The following IL6ST variants were observed in gnomAD, a reference collection of about 807,000 sequenced individuals.
IL6ST encodes the protein interleukin-6 receptor subunit beta.
A neutral mutation model predicts 91.3 loss-of-function variants in IL6ST; 24 were observed. The observed-to-expected ratio is 0.26, with a 90% CI of 0.19 to 0.37. The LOEUF is 0.37. Ranked by LOEUF, IL6ST falls within the 10% of genes least tolerant of loss-of-function variation. The probability of loss-of-function intolerance (pLI) is 1.00; values close to 1 mark genes in which losing one functional copy is unlikely to be tolerated. For missense variants in IL6ST, 914 were observed against 1,078.5 expected, an observed-to-expected ratio of 0.85 and a Z score of 2.14; for synonymous variants, 351 against 373.6, an observed-to-expected ratio of 0.94 and a Z score of 0.70.
At chr5:55,959,795 A>G in intron 8 of IL6ST, 1 of 359,724 alleles carries the variant, frequency 2.8e-6, no homozygotes, top group Admixed American at 3.6e-5. Context: ...AGTTAGGAGT[A>G]TCTCTGGACA....
At chr5:55,979,417 T>C (rs543757564) in intron 2 of IL6ST, among the ~76,000 whole-genome samples, 10 of 152,172 alleles carry the variant, frequency 6.6e-5, no homozygotes, top group Non-Finnish European at 1.5e-4. Flanking sequence ...ATCTGGACAG[T>C]GATAAATTCA....
chr5:55,941,705 C>G lies in IL6ST; in HGVS notation c.2134G>C (p.Asp712His). 6.2e-7 allele frequency: 1 copy of G among 1,614,028 alleles called. No individual in the cohort carries two copies. The highest frequency in any genetic ancestry group is 1.7e-4 in the Middle Eastern group (1 of 5,952). The change falls in exon 17 of 17, where the codon GAC becomes CAC. Residue 712 changes from aspartate to histidine, a missense_variant. Physicochemically the swap from Asp to His is moderately conservative, Grantham distance 81. Coordinates refer to ENST00000381298, the MANE Select transcript of IL6ST (RefSeq NM_002184.4). ...KPFPEDLKSL[D>H]LFKKEKINTE... ...TTAATTTTTTCCTTTTTGAACAGGT[C>G]CAATGATTTCAGATCTTCTGGAAAA... is the stretch of plus-strand genomic sequence containing the variant.
intron 1 of IL6ST, among the ~76,000 whole-genome samples, chr5:55,988,931 C>G (rs557407394): frequency 1.3e-5 from 2 of 149,730 alleles, no homozygotes; most frequent in African/African-American, 4.9e-5. Context: ...AGCAACATGG[C>G]AAAACCCCAT....
chr5:55,969,596 G>A lies in IL6ST; in HGVS notation c.324C>T (p.Phe108=), dbSNP rs754246366. ...NIQLTCNILT[F]GQLEQNVYGI... is the part of the protein sequence containing the mutation. ...CATAAACATTCTGTTCAAGCTGTCC[G>A]AATGTAAGAATGTTGCAAGTGAGCT... The change falls in exon 4 of 17, where the codon TTC becomes TTT. Residue 108 remains phenylalanine, a synonymous_variant. Coordinates refer to ENST00000381298, the MANE Select transcript of IL6ST (RefSeq NM_002184.4). 15 of 1,613,046 alleles carry A rather than the reference G, an allele frequency of 9.3e-6. No homozygotes were observed. The highest frequency in any genetic ancestry group is 1.7e-4 in the Middle Eastern group (1 of 6,054).
rs532198288 is a variant in IL6ST at position 55,939,197 on chromosome 5, G to T, written c.*1885C>A. 1.4e-5 allele frequency: 3 copies of T among 214,158 alleles called. No homozygotes were observed. The highest frequency in any genetic ancestry group is 2.8e-5 in the Non-Finnish European group (3 of 106,054). The allele number at this position is 214,158 out of a possible 1,614,324, so 13.3% of individuals were successfully genotyped here. A position where few individuals can be genotyped will look rare whatever the true frequency, so the allele number is the denominator to read the frequency against. Reference sequence around the variant, plus strand: ...CCAGCCTTTGATGATCAACTTAAAAGCTGGAGATGTCATTATCTTGTTGTG... The same window carrying T: ...CCAGCCTTTGATGATCAACTTAAAATCTGGAGATGTCATTATCTTGTTGTG... On this transcript the variant is annotated 3_prime_UTR_variant, in exon 17 of 17. Coordinates refer to ENST00000381298, the MANE Select transcript of IL6ST (RefSeq NM_002184.4).
At chr5:55,966,432 T>G (rs1424277200) in intron 5 of IL6ST, among the ~76,000 whole-genome samples, 1 of 152,188 alleles carries the variant, frequency 6.6e-6, no homozygotes, top group Non-Finnish European at 1.5e-5. Flanking sequence ...TGATACTGAT[T>G]GAGTTACACA....
At position 55,978,918 on chromosome 5, in the gene IL6ST, A is replaced by G. The variant is rs575601228; in HGVS notation, c.-15-2625T>C. On this transcript the variant is annotated intron_variant, in intron 2 of 16. Coordinates refer to ENST00000381298, the MANE Select transcript of IL6ST (RefSeq NM_002184.4). ...AAAGAAACGAGTGCTTAATACCTCCAAAGACATCTACAAGAATGTTTACAG... is the reference window on the plus strand; with the variant it reads ...AAAGAAACGAGTGCTTAATACCTCCGAAGACATCTACAAGAATGTTTACAG... Among the ~76,000 whole-genome samples, 175 of 152,360 alleles carry G rather than the reference A, an allele frequency of 1.1e-3. 2 individuals are homozygous for G. The highest frequency in any genetic ancestry group is 4.1e-3 in the African/African-American group (172 of 41,584).
intron 8 of IL6ST, 45 bp from the exon 9 acceptor site, chr5:55,957,336 G>C (rs1752051495): frequency 9.9e-7 from 1 of 1,010,942 alleles, no homozygotes; most frequent in Non-Finnish European, 1.5e-6. Context: ...GGTTTTAACA[G>C]TAAAATAAAA....
chr5:55,955,971 A>C, intron 10 of IL6ST, 54 bp downstream of exon 10: 2 of 1,233,018 alleles, frequency 1.6e-6, no homozygotes, highest in South Asian at 2.4e-5. Flanking sequence ...CCCTGTCCAT[A>C]CCTAACCACC....
chr5:55,953,068 CA>C (rs1397901958), intron 11 of IL6ST, among the ~76,000 whole-genome samples: 1 of 151,950 alleles, frequency 6.6e-6, no homozygotes, highest in Non-Finnish European at 1.5e-5. Flanking sequence ...CTCAAAAAAA[CA>C]AAAACCAAAA....
intron 11 of IL6ST, among the ~76,000 whole-genome samples, chr5:55,953,574 C>T (rs541582664): frequency 1.2e-4 from 19 of 152,128 alleles, no homozygotes; most frequent in African/African-American, 3.9e-4. Flanking sequence ...TTAGTAGAGA[C>T]GGAGTTTATC....
intron 7 of IL6ST, among the ~76,000 whole-genome samples, chr5:55,961,440 T>C (rs1269894789): frequency 1.3e-5 from 2 of 152,044 alleles, no homozygotes; most frequent in Admixed American, 1.3e-4. Flanking sequence ...GAGAGGGCTG[T>C]CTTGACAGGT....
intron 12 of IL6ST, 75 bp from the exon 13 acceptor site, chr5:55,952,150 T>C (rs28763918): frequency 6.6e-7 from 1 of 1,509,170 alleles, no homozygotes; most frequent in African/African-American, 1.4e-5. Context: ...ATAAAATCAT[T>C]TGAACATAAT....
chr5:55,960,598 T>C, intron 7 of IL6ST, 37 bp from the exon 8 acceptor site: 1 of 1,583,308 alleles, frequency 6.3e-7, no homozygotes. Flanking sequence ...AAAACCTCAA[T>C]TAGTAAGGTC....
At chr5:55,960,953 CAG>C (rs1448513409) in intron 7 of IL6ST, among the ~76,000 whole-genome samples, 1 of 151,958 alleles carries the variant, frequency 6.6e-6, no homozygotes, top group Non-Finnish European at 1.5e-5. Context: ...ATTTTTGAGA[CAG>C]AGTCTCCCTC....
chr5:55,958,449 A>T (rs1445579941), intron 8 of IL6ST, among the ~76,000 whole-genome samples: 5 of 126,516 alleles, frequency 4.0e-5, no homozygotes, highest in Non-Finnish European at 9.4e-5. Flanking sequence ...AGTTTGTCTT[A>T]AAAAAATCAA....
chr5:55,965,655 T>C (rs369845043), intron 5 of IL6ST, among the ~76,000 whole-genome samples: 62 of 152,004 alleles, frequency 4.1e-4, no homozygotes, highest in African/African-American at 1.4e-3. Flanking sequence ...TGTAAAAGCA[T>C]GTTATATCAG....
chr5:55,985,765 G>T (rs1424610816), intron 1 of IL6ST, among the ~76,000 whole-genome samples: 1 of 152,112 alleles, frequency 6.6e-6, no homozygotes, highest in African/African-American at 2.4e-5. Context: ...CACAGGTGTG[G>T]GTCTATTTGG....
chr5:55,979,226 C>T (rs1394833058), intron 2 of IL6ST, among the ~76,000 whole-genome samples: 3 of 152,008 alleles, frequency 2.0e-5, no homozygotes, highest in Non-Finnish European at 4.4e-5. Context: ...GACCCTGACT[C>T]TACAAAAAAA....
Sources: gnomAD v4.1 joint callset for allele counts (sites outside exome capture counted in the v4.1 genomes callset) on GRCh38, gnomAD v4.1.1 for gene constraint, MANE v1.5 for transcripts, NCBI Gene and HGNC (gene_info 2026-07-23, HGNC 2026-07-21) for gene names.